TBC1D19: variants seen among roughly 807,000 people sequenced by gnomAD.
TBC1D19 encodes the protein TBC1 domain family, member 19.
A neutral mutation model predicts 89.0 loss-of-function variants in TBC1D19; 60 were observed. That is an observed-to-expected ratio of 0.67 (90% CI 0.55 to 0.84). The LOEUF is 0.84. Among genes scored for constraint, TBC1D19 ranks in the 40% least tolerant of loss-of-function variants. The pLI is 0.00. For missense variants in TBC1D19, 500 were observed against 610.8 expected, an observed-to-expected ratio of 0.82 and a Z score of 1.91; for synonymous variants, 189 against 199.7, an observed-to-expected ratio of 0.95 and a Z score of 0.45.
intron 20 of TBC1D19, chr4:26,754,183 C>A: frequency 1.1e-5 from 3 of 284,850 alleles, no homozygotes; most frequent in East Asian, 6.2e-5. Flanking sequence ...GTTTATGTTG[C>A]ATTTTTTTAT....
At chr4:26,656,988 C>CTCCTTCTCCTTCTCT (rs1744878984) in intron 7 of TBC1D19, among the ~76,000 whole-genome samples, 1 of 39,814 alleles carries the variant, frequency 2.5e-5, no homozygotes, top group Non-Finnish European at 5.8e-5. Context: ...TCTTCTTCTT[C>CTCCTTCTCCTTCTCT]TTCTCCTTCT....
intron 10 of TBC1D19, 107 bp from the exon 11 acceptor site, chr4:26,673,669 G>A (rs910382134): frequency 1.9e-5 from 14 of 754,064 alleles, no homozygotes; most frequent in Non-Finnish European, 3.2e-5. Flanking sequence ...AATTATGTTA[G>A]ATAGAAAGAC....
At chr4:26,790,953 G>C in the TBC1D19 span, among the ~76,000 whole-genome samples, 2 of 152,162 alleles carry the variant, frequency 1.3e-5, no homozygotes, top group East Asian at 3.9e-4. Flanking sequence ...AACTGAGTCT[G>C]CCTGTGGGGT....
chr4:26,750,072 C>A (rs1272749726), intron 19 of TBC1D19, among the ~76,000 whole-genome samples: 1 of 152,148 alleles, frequency 6.6e-6, no homozygotes, highest in Non-Finnish European at 1.5e-5. Context: ...ATTGGGCAAT[C>A]CCTGCCTTAC....
At chr4:26,651,314 C>T (rs1377106873) in intron 7 of TBC1D19, among the ~76,000 whole-genome samples, 2 of 152,200 alleles carry the variant, frequency 1.3e-5, no homozygotes, top group Non-Finnish European at 2.9e-5. Context: ...GGCAGTATGG[C>T]CATTTTCACG....
At chr4:26,708,620 A>T (rs1715914797) in intron 13 of TBC1D19, among the ~76,000 whole-genome samples, 1 of 151,948 alleles carries the variant, frequency 6.6e-6, no homozygotes. Flanking sequence ...GGTTGGCTTG[A>T]TGGTGTCCCA....
the TBC1D19 span, among the ~76,000 whole-genome samples, chr4:26,830,231 G>A: frequency 3.3e-5 from 5 of 152,154 alleles, no homozygotes; most frequent in East Asian, 3.9e-4. Flanking sequence ...TAAGTAATGC[G>A]TATATGCAAA....
chr4:26,754,874 C>A lies in TBC1D19; in HGVS notation c.1508C>A (p.Ala503Glu), dbSNP rs1422548802. ...MEVTSLAAAE[A>E]VLADLSTLKV... is the part of the protein sequence containing the mutation. ...AATTCTTTTTATTTTTTGTTTCAGG[C>A]AGTTCTTGCTGACCTTTCTACTTTA... Residue 503 changes from alanine (A) to glutamate (E), a missense_variant and splice_region_variant, in exon 21 of 21, where the codon GCA (alanine) becomes GAA (glutamate). Physicochemically the swap from Ala to Glu is moderately radical, Grantham distance 107. Around this residue, in one of 2 missense-constraint regions of TBC1D19, gnomAD observed 220 missense variants for 319.1 expected, o/e 0.69. Transcript: ENST00000264866. 4 of 1,594,300 alleles carry A rather than the reference C, an allele frequency of 2.5e-6. No individual in the cohort carries two copies. The highest frequency in any genetic ancestry group is 1.7e-5 in the Admixed American group (1 of 57,280).
chr4:26,785,432 T>C, the TBC1D19 span, among the ~76,000 whole-genome samples: 3 of 152,290 alleles, frequency 2.0e-5, no homozygotes, highest in Middle Eastern at 6.8e-3. Context: ...ACAATGTACA[T>C]AGAAAAGATA....
chr4:26,673,927 G>A (rs1408764531), intron 11 of TBC1D19, 39 bp downstream of exon 11: 2 of 1,260,742 alleles, frequency 1.6e-6, no homozygotes, highest in Non-Finnish European at 2.2e-6. Flanking sequence ...TTTAGCTTTG[G>A]GGTATTTATT....
intron 4 of TBC1D19, among the ~76,000 whole-genome samples, chr4:26,632,334 A>T (rs977357148): frequency 5.9e-5 from 9 of 151,648 alleles, no homozygotes; most frequent in African/African-American, 2.2e-4. Context: ...CACTGATAAC[A>T]TTAAGTGGAT....
the TBC1D19 span, among the ~76,000 whole-genome samples, chr4:26,804,135 T>G: frequency 6.6e-6 from 1 of 151,994 alleles, no homozygotes; most frequent in South Asian, 2.1e-4. Context: ...TTTTAAATTT[T>G]TATTTAATCA....
intron 1 of TBC1D19, among the ~76,000 whole-genome samples, chr4:26,591,583 A>G (rs960417458): frequency 7.9e-5 from 12 of 152,306 alleles, no homozygotes; most frequent in South Asian, 6.2e-4. Context: ...AAATTGATAG[A>G]CCACTAGCAA....
intron 9 of TBC1D19, among the ~76,000 whole-genome samples, chr4:26,669,102 G>A (rs192327614): frequency 2.2e-4 from 33 of 151,628 alleles, no homozygotes; most frequent in African/African-American, 8.0e-4. Flanking sequence ...TCATGATAAA[G>A]GAGGTCATAT....
chr4:26,742,670 C>T, intron 18 of TBC1D19, 71 bp downstream of exon 18: 1 of 1,179,826 alleles, frequency 8.5e-7, no homozygotes, highest in Non-Finnish European at 1.2e-6. Context: ...CATTGCAGAG[C>T]ACTTGCAAAT....
chr4:26,628,299 A>G (rs554068159), intron 4 of TBC1D19, among the ~76,000 whole-genome samples: 2 of 152,264 alleles, frequency 1.3e-5, no homozygotes, highest in Admixed American at 1.3e-4. Flanking sequence ...GCCTTGAAGT[A>G]TAGTTTGAAG....
At chr4:26,685,019 C>A (rs571235545) in intron 12 of TBC1D19, among the ~76,000 whole-genome samples, 4 of 152,262 alleles carry the variant, frequency 2.6e-5, no homozygotes, top group Admixed American at 6.5e-5. Context: ...TTGGGGTAGA[C>A]CCACTCAAAA....
chr4:26,841,069 G>A, the TBC1D19 span, among the ~76,000 whole-genome samples: 3 of 152,094 alleles, frequency 2.0e-5, no homozygotes, highest in Non-Finnish European at 4.4e-5. Context: ...AACAGTGGCT[G>A]TCCTCACCCT....
chr4:26,638,948 C>G (rs982584504), intron 6 of TBC1D19, 114 bp downstream of exon 6: 2 of 861,054 alleles, frequency 2.3e-6, no homozygotes, highest in African/African-American at 3.5e-5. Context: ...TTTTCCTTCT[C>G]ATTAATTTTC....
Sources: allele counts gnomAD v4.1 joint callset (sites outside exome capture counted in the v4.1 genomes callset), GRCh38; gene constraint gnomAD v4.1.1; regional missense constraint gnomAD v4.1.1; transcripts MANE v1.5; gene names NCBI Gene and HGNC (gene_info 2026-07-23, HGNC 2026-07-21).